The following GRM7 variants were observed in gnomAD, a reference collection of about 807,000 sequenced individuals.
GRM7 encodes the protein metabotropic glutamate receptor 7.
Under a neutral mutation model 84.5 loss-of-function variants are expected in GRM7, and 35 were observed. The ratio of observed to expected loss-of-function variants is 0.41; its 90% CI spans 0.32 to 0.55. The LOEUF (loss-of-function observed/expected upper bound fraction) is 0.55. Ranked by LOEUF, GRM7 falls within the 20% of genes least tolerant of loss-of-function variation. The pLI, the probability that GRM7 is intolerant of heterozygous loss-of-function variation, is 0.19. For synonymous variants in GRM7, 487 were observed against 455.1 expected (o/e 1.07, Z -0.89); for missense variants, 1,003 against 1,194.6 (o/e 0.84, Z 2.36).
rs1275428024 is a variant in GRM7, at chr3:7,095,380, G to A, written c.520-51072G>A. Among the ~76,000 whole-genome samples, 7 of 152,048 alleles carry A rather than the reference G, an allele frequency of 4.6e-5. No individual in the cohort carries two copies. In the East Asian group the frequency reaches 1.4e-3, roughly 29 times the overall value. On this transcript the variant is annotated intron_variant, in intron 1 of 9. Transcript: ENST00000357716. Reference sequence around the variant, plus strand: ...AAGCATCCCTCTTTGGAATGACTCAGTGAGCAATTCATCACTTAATTAATG... The same window carrying A: ...AAGCATCCCTCTTTGGAATGACTCAATGAGCAATTCATCACTTAATTAATG...
intron 7 of GRM7, among the ~76,000 whole-genome samples, chr3:7,542,025 G>A (rs896262923): frequency 1.3e-4 from 20 of 152,064 alleles, no homozygotes; most frequent in African/African-American, 2.7e-4. Context: ...ATCTTATGGC[G>A]TTCTCCCTGT....
intron 8 of GRM7, among the ~76,000 whole-genome samples, chr3:7,626,392 T>A (rs1332622213): frequency 6.6e-6 from 1 of 152,188 alleles, no homozygotes; most frequent in African/African-American, 2.4e-5. Flanking sequence ...CATGTGGGCA[T>A]CCTCTCTAAA....
chr3:7,611,525 G>C (rs905431070), intron 8 of GRM7, among the ~76,000 whole-genome samples: 3 of 152,136 alleles, frequency 2.0e-5, no homozygotes, highest in African/African-American at 7.2e-5. Context: ...AGAAGACAGA[G>C]GCCAGAGAGA....
chr3:7,427,823 C>G (rs62235477), intron 5 of GRM7, among the ~76,000 whole-genome samples: 8,152 of 152,248 alleles, frequency 0.054, 287 homozygotes, highest in Middle Eastern at 0.11. Context: ...CAAGGTCACA[C>G]AGCACAAAAT....
intron 8 of GRM7, among the ~76,000 whole-genome samples, chr3:7,670,338 A>C (rs1699866732): frequency 6.6e-6 from 1 of 152,192 alleles, no homozygotes; most frequent in Non-Finnish European, 1.5e-5. Flanking sequence ...AGCAAACATA[A>C]GAGCCAGTAT....
intron 5 of GRM7, among the ~76,000 whole-genome samples, chr3:7,424,956 G>A (rs549801013): frequency 4.6e-5 from 7 of 152,248 alleles, no homozygotes; most frequent in African/African-American, 1.2e-4. Context: ...CATTATACAC[G>A]TGATGAAATT....
At chr3:7,344,853 G>C (rs989363779) in intron 4 of GRM7, among the ~76,000 whole-genome samples, 1 of 152,026 alleles carries the variant, frequency 6.6e-6, no homozygotes, top group Non-Finnish European at 1.5e-5. Context: ...CTGGTGTTCT[G>C]TTGCACTTTA....
At chr3:7,721,147 C>A (rs148608857) in intron 9 of GRM7, among the ~76,000 whole-genome samples, 57 of 152,268 alleles carry the variant, frequency 3.7e-4, no homozygotes, top group African/African-American at 1.2e-3. Context: ...TTAACAGGAT[C>A]CATATTTAAC....
intron 8 of GRM7, among the ~76,000 whole-genome samples, chr3:7,613,231 T>C (rs183161537): frequency 9.8e-5 from 15 of 152,314 alleles, no homozygotes; most frequent in Admixed American, 2.6e-4. Flanking sequence ...AGTAAACATA[T>C]AAATAGTGAA....
chr3:6,881,145 A>G (rs1695492708), intron 1 of GRM7, among the ~76,000 whole-genome samples: 1 of 152,004 alleles, frequency 6.6e-6, no homozygotes, highest in South Asian at 2.1e-4. Context: ...TTTAATTTTT[A>G]TTTTTAGTTC....
chr3:7,448,073 A>G (rs1375355404), intron 5 of GRM7, among the ~76,000 whole-genome samples: 2 of 151,904 alleles, frequency 1.3e-5, no homozygotes, highest in African/African-American at 4.8e-5. Flanking sequence ...TACAAAGGAC[A>G]TGAACTCATC....
intron 1 of GRM7, among the ~76,000 whole-genome samples, chr3:6,894,768 G>A (rs1055092321): frequency 6.6e-6 from 1 of 152,136 alleles, no homozygotes; most frequent in Non-Finnish European, 1.5e-5. Context: ...TGGTCAGTCA[G>A]TCTGACCTTG....
intron 7 of GRM7, among the ~76,000 whole-genome samples, chr3:7,530,392 T>C (rs1485589934): frequency 1.3e-5 from 2 of 152,136 alleles, no homozygotes; most frequent in African/African-American, 2.4e-5. Context: ...TGAACAGTGC[T>C]GCAATAAACA....
chr3:7,489,591 A>G (rs1699448212), intron 7 of GRM7, among the ~76,000 whole-genome samples: 1 of 152,094 alleles, frequency 6.6e-6, no homozygotes, highest in South Asian at 2.1e-4. Flanking sequence ...CTTGTGTGTA[A>G]TGTTCCTGTG....
At chr3:7,357,337 T>A (rs1376820629) in intron 4 of GRM7, among the ~76,000 whole-genome samples, 1 of 152,052 alleles carries the variant, frequency 6.6e-6, no homozygotes, top group East Asian at 1.9e-4. Context: ...CTTGCCAGTT[T>A]TGTTTCTCCC....
chr3:7,305,398 C>A (rs1288869300), intron 3 of GRM7, among the ~76,000 whole-genome samples: 1 of 40,068 alleles, frequency 2.5e-5, no homozygotes, highest in Admixed American at 2.2e-4. Flanking sequence ...GCACATTGTG[C>A]AGGTTAGTTA....
At chr3:6,960,460 A>G (rs1471141567) in intron 1 of GRM7, among the ~76,000 whole-genome samples, 1 of 152,048 alleles carries the variant, frequency 6.6e-6, no homozygotes, top group African/African-American at 2.4e-5. Context: ...TCTCCCACCA[A>G]AATACTACCA....
intron 7 of GRM7, among the ~76,000 whole-genome samples, chr3:7,482,589 A>G (rs955159681): frequency 3.3e-5 from 5 of 152,216 alleles, no homozygotes; most frequent in African/African-American, 1.2e-4. Flanking sequence ...AAGTGGTATG[A>G]GAGGCTATAA....
At chr3:7,111,085 G>T (rs75379716) in intron 1 of GRM7, among the ~76,000 whole-genome samples, 2 of 152,018 alleles carry the variant, frequency 1.3e-5, no homozygotes, top group Non-Finnish European at 2.9e-5. Flanking sequence ...ACTGATGTGG[G>T]GTCAATAACA....
Sources: allele counts gnomAD v4.1 joint callset (sites outside exome capture counted in the v4.1 genomes callset), GRCh38; gene constraint gnomAD v4.1.1; transcripts MANE v1.5; gene names NCBI Gene and HGNC (gene_info 2026-07-23, HGNC 2026-07-21).